DOK6: variants seen among roughly 807,000 people sequenced by gnomAD.
DOK6 encodes downstream of tyrosine kinase 6.
In DOK6, 22 loss-of-function variants were observed where a neutral mutation model predicts 44.0. The observed-to-expected ratio is 0.50, with a 90% CI of 0.36 to 0.71. DOK6 has a LOEUF of 0.71. Among genes scored for constraint, DOK6 ranks in the 30% least tolerant of loss-of-function variants. The probability of loss-of-function intolerance (pLI) is 0.00; values close to 1 mark genes in which losing one functional copy is unlikely to be tolerated. For missense variants in DOK6, 340 were observed against 416.4 expected (o/e 0.82, Z 1.60); for synonymous variants, 166 against 145.5 (o/e 1.14, Z -1.01).
Position 69,842,161 on chromosome 18 carries a change from G to A in DOK6, c.*778G>A, listed in dbSNP as rs62090546. The A allele has an allele frequency of 1.4e-5, 2 of 138,384 alleles. No homozygotes were observed. Among genetic ancestry groups the A allele is most frequent in the Non-Finnish European group, 3.1e-5 (2 of 64,244 alleles). The allele number at this position is 138,384 out of a possible 1,614,324, so 8.6% of individuals were successfully genotyped here. A position where few individuals can be genotyped will look rare whatever the true frequency, so the allele number is the denominator to read the frequency against. On this transcript the variant is annotated 3_prime_UTR_variant, in exon 8 of 8. Transcript: ENST00000382713. ...TGCTGTAAAAAAAAAAAAAAAAAAG[G>A]CTTCTTATTAGCAAAAGTATATGTA...
intron 3 of DOK6, among the ~76,000 whole-genome samples, chr18:69,617,504 GAGAAAGAAAGAAAAGAA>G (rs55728201): frequency 1.5e-5 from 2 of 134,788 alleles, no homozygotes; most frequent in African/African-American, 2.8e-5. Flanking sequence ...AAGAAAGAAA[GAGAAAGAAAGAAAAGAA>G]AGAAAGGAAA....
At chr18:69,473,570 T>C (rs1243343649) in intron 1 of DOK6, among the ~76,000 whole-genome samples, 3 of 152,190 alleles carry the variant, frequency 2.0e-5, no homozygotes, top group Non-Finnish European at 2.9e-5. Context: ...GGAGTCTGTC[T>C]TGCACCCAGC....
chr18:69,766,885 A>C (rs2072864841), intron 7 of DOK6, among the ~76,000 whole-genome samples: 1 of 143,194 alleles, frequency 7.0e-6, no homozygotes, highest in African/African-American at 3.0e-5. Context: ...ATTATTACAG[A>C]GTTCTTACTG....
chr18:69,795,453 A>C (rs1244607219), intron 7 of DOK6, among the ~76,000 whole-genome samples: 2 of 152,168 alleles, frequency 1.3e-5, no homozygotes, highest in Non-Finnish European at 2.9e-5. Context: ...TATATTTTGA[A>C]TTATGAAACA....
chr18:69,559,603 C>A (rs1273426909), intron 1 of DOK6, among the ~76,000 whole-genome samples: 1 of 152,148 alleles, frequency 6.6e-6, no homozygotes, highest in Non-Finnish European at 1.5e-5. Context: ...CTACCACAAC[C>A]AGCACTATCC....
At chr18:69,785,184 A>G (rs925898680) in intron 7 of DOK6, among the ~76,000 whole-genome samples, 7 of 152,224 alleles carry the variant, frequency 4.6e-5, no homozygotes, top group Non-Finnish European at 8.8e-5. Flanking sequence ...TTCTGTTAAT[A>G]TAGTAAAGAA....
intron 7 of DOK6, among the ~76,000 whole-genome samples, chr18:69,772,928 T>A (rs1000110060): frequency 6.6e-6 from 1 of 152,042 alleles, no homozygotes; most frequent in Non-Finnish European, 1.5e-5. Flanking sequence ...AGAAAATATT[T>A]GCAAACTGTA....
At chr18:69,552,916 T>C (rs1300185860) in intron 1 of DOK6, among the ~76,000 whole-genome samples, 1 of 152,272 alleles carries the variant, frequency 6.6e-6, no homozygotes, top group Non-Finnish European at 1.5e-5. Context: ...CACAGAGATA[T>C]GATGTGCTAA....
chr18:69,653,443 C>A (rs1045463007), intron 3 of DOK6, among the ~76,000 whole-genome samples: 2 of 152,074 alleles, frequency 1.3e-5, no homozygotes, highest in Non-Finnish European at 2.9e-5. Context: ...GAGGTACTTG[C>A]CGTCTGGTAG....
chr18:69,840,293 G>C (rs748645343), intron 7 of DOK6, among the ~76,000 whole-genome samples: 15 of 152,234 alleles, frequency 9.9e-5, no homozygotes, highest in Non-Finnish European at 2.1e-4. Context: ...TAGAAACTCT[G>C]AAAGAGCATG....
intron 3 of DOK6, among the ~76,000 whole-genome samples, chr18:69,651,463 C>T (rs1354612532): frequency 2.0e-5 from 3 of 150,390 alleles, no homozygotes; most frequent in African/African-American, 7.3e-5. Flanking sequence ...CCCTGCATTG[C>T]ATCATCAGCC....
intron 1 of DOK6, among the ~76,000 whole-genome samples, chr18:69,539,776 T>C (rs1032674747): frequency 6.6e-6 from 1 of 152,186 alleles, no homozygotes; most frequent in Non-Finnish European, 1.5e-5. Context: ...AAGATGTACA[T>C]TTTAGAATGT....
intron 3 of DOK6, among the ~76,000 whole-genome samples, chr18:69,609,303 T>C (rs1279051677): frequency 1.3e-5 from 2 of 152,132 alleles, no homozygotes; most frequent in Non-Finnish European, 2.9e-5. Flanking sequence ...TACATCTCAA[T>C]AGCAAATACA....
At chr18:69,796,571 T>C (rs1187876822) in intron 7 of DOK6, among the ~76,000 whole-genome samples, 1 of 152,084 alleles carries the variant, frequency 6.6e-6, no homozygotes, top group African/African-American at 2.4e-5. Flanking sequence ...GCACAAAACA[T>C]AGCACACATC....
intron 1 of DOK6, among the ~76,000 whole-genome samples, chr18:69,429,571 A>T (rs1428484544): frequency 1.3e-5 from 1 of 74,714 alleles, no homozygotes; most frequent in Admixed American, 1.3e-4. Flanking sequence ...TAATACAAAC[A>T]ACATCTATAT....
chr18:69,677,787 A>G lies in DOK6; in HGVS notation c.343A>G (p.Arg115Gly), dbSNP rs1287978912. ...CCTCTGCATGGAGTGTCTGGGGACC[A>G]GGCTCAATGATATCAGCCTTGGGGA... ...KHLCMECLGT[R>G]LNDISLGEPD... Residue 115 changes from arginine (R) to glycine (G), a missense_variant, in exon 4 of 8, where the codon AGG becomes GGG. This residue lies in a region of DOK6 where 206 missense variants were observed against 258.6 expected (regional missense o/e 0.80). Coordinates refer to ENST00000382713, the MANE Select transcript of DOK6 (RefSeq NM_152721.6). 9 of 1,613,712 alleles carry G rather than the reference A, an allele frequency of 5.6e-6. No individual in the cohort carries two copies. Among genetic ancestry groups the G allele is most frequent in the Non-Finnish European group, 7.6e-6 (9 of 1,179,796 alleles).
chr18:69,637,116 C>T (rs573895546), intron 3 of DOK6, among the ~76,000 whole-genome samples: 6 of 152,318 alleles, frequency 3.9e-5, no homozygotes, highest in South Asian at 2.1e-4. Context: ...GCTTGGCCTC[C>T]GCTCTGTGCA....
chr18:69,799,824 C>T (rs908787557), intron 7 of DOK6, among the ~76,000 whole-genome samples: 7 of 152,098 alleles, frequency 4.6e-5, no homozygotes, highest in African/African-American at 1.7e-4. Context: ...GCTTATCTCA[C>T]ACTTCAGTGT....
intron 5 of DOK6, among the ~76,000 whole-genome samples, chr18:69,716,220 C>A (rs1040567108): frequency 2.0e-5 from 3 of 152,062 alleles, no homozygotes; most frequent in African/African-American, 7.2e-5. Flanking sequence ...AGACAGTATT[C>A]TTTTCTACCT....
Sources: allele counts gnomAD v4.1 joint callset (sites outside exome capture counted in the v4.1 genomes callset), GRCh38; gene constraint gnomAD v4.1.1; regional missense constraint gnomAD v4.1.1; transcripts MANE v1.5; gene names NCBI Gene and HGNC (gene_info 2026-07-23, HGNC 2026-07-21).